UNC79: variants seen among roughly 807,000 people sequenced by gnomAD.
The protein encoded by UNC79 is protein unc-79 homolog.
Under a neutral mutation model 283.1 loss-of-function variants are expected in UNC79, and 37 were observed. The ratio of observed to expected loss-of-function variants is 0.13; its 90% CI spans 0.10 to 0.17. The LOEUF (loss-of-function observed/expected upper bound fraction) is 0.17. Ranked by LOEUF, UNC79 falls within the 10% of genes least tolerant of loss-of-function variation. The pLI is 1.00. For synonymous variants in UNC79, 1,107 were observed against 1,200.2 expected (o/e 0.92, Z 1.61); for missense variants, 2,272 against 3,211.1 (o/e 0.71, Z 7.07).
At chr14:93,382,420 C>T (rs2139991146) in intron 1 of UNC79, among the ~76,000 whole-genome samples, 1 of 152,260 alleles carries the variant, frequency 6.6e-6, no homozygotes, top group Middle Eastern at 3.4e-3. Flanking sequence ...CAAGATGTTA[C>T]CTTACATGGC....
At position 93,690,487 on chromosome 14, in the gene UNC79, C is replaced by A; in HGVS notation, c.7272+184C>A. 1 of 604,116 alleles carries A rather than the reference C, an allele frequency of 1.7e-6. No homozygotes were observed. Among genetic ancestry groups the A allele is most frequent in the Non-Finnish European group, 2.6e-6 (1 of 390,462 alleles). The allele number at this position is 604,116 out of a possible 1,614,324, so 37.4% of individuals were successfully genotyped here. A position where few individuals can be genotyped will look rare whatever the true frequency, so the allele number is the denominator to read the frequency against. On this transcript the variant is annotated intron_variant, in intron 45 of 48. Coordinates refer to ENST00000555664, the Ensembl canonical transcript of UNC79. The surrounding 1 kb of genome is among the most constrained non-coding windows in gnomAD (Gnocchi z 4.3). Reference sequence around the variant, plus strand: ...GTTTAGATTCCCAGACTGTCTTTCCCCCCGCCCCCAAATTGTTTTTCGGCT... The same window carrying A: ...GTTTAGATTCCCAGACTGTCTTTCCACCCGCCCCCAAATTGTTTTTCGGCT...
intron 29 of UNC79, among the ~76,000 whole-genome samples, chr14:93,618,570 A>T (rs77154873): frequency 0.023 from 3,545 of 152,338 alleles, 60 homozygotes; most frequent in Non-Finnish European, 0.036. Flanking sequence ...AGCCTGTATC[A>T]TAAGAAATAA....
At chr14:93,661,354 G>A (rs2071582528) in intron 39 of UNC79, among the ~76,000 whole-genome samples, 2 of 152,138 alleles carry the variant, frequency 1.3e-5, no homozygotes, top group African/African-American at 4.8e-5. Flanking sequence ...TAATCACAAG[G>A]TGGTGGGACT....
intron 1 of UNC79, among the ~76,000 whole-genome samples, chr14:93,401,098 A>C (rs1384073212): frequency 6.6e-6 from 1 of 152,238 alleles, no homozygotes; most frequent in African/African-American, 2.4e-5. Flanking sequence ...AGATATAGAC[A>C]TCTATTAAAC....
In UNC79 at chr14:93,630,787, A is replaced by G. The variant is rs914124941; in HGVS notation, c.5609-14A>G. 1.9e-6 allele frequency: 3 copies of G among 1,608,806 alleles called. No homozygotes were observed. Among genetic ancestry groups the G allele is most frequent in the African/African-American group, 2.7e-5 (2 of 74,828 alleles). ...ATCAGTGTCCTGAGTTTTAAATAAT[A>G]TTTCTGTTTGTAGATCCTTCTACTA... On this transcript the variant is annotated splice_polypyrimidine_tract_variant and intron_variant, in intron 30 of 48. Transcript: ENST00000555664.
At chr14:93,509,767 C>T (rs1012468422) in intron 7 of UNC79, among the ~76,000 whole-genome samples, 2 of 152,066 alleles carry the variant, frequency 1.3e-5, no homozygotes, top group African/African-American at 2.4e-5. Flanking sequence ...GTTGAGTACC[C>T]GCAGCTTTTC....
intron 14 of UNC79, among the ~76,000 whole-genome samples, chr14:93,569,394 G>A (rs1340203014): frequency 2.0e-5 from 3 of 152,086 alleles, no homozygotes; most frequent in East Asian, 1.9e-4. Flanking sequence ...CTGAAATCGC[G>A]CCATTGCACT....
intron 42 of UNC79, among the ~76,000 whole-genome samples, chr14:93,684,996 A>C (rs908179589): frequency 2.0e-5 from 3 of 152,180 alleles, no homozygotes; most frequent in Non-Finnish European, 4.4e-5. Context: ...TGCAAAGTAG[A>C]AAAAAAGGAG....
At chr14:93,430,323 G>A (rs2055827656), upstream of UNC79, 1 of 152,626 alleles carries the variant, frequency 6.6e-6, no homozygotes, top group Non-Finnish European at 1.5e-5. This position sits in a 1 kb window ranked among gnomAD's most constrained non-coding sequence, Gnocchi z 4.6. Context: ...ATCGCAGAGG[G>A]GAGGCGAGGG....
At chr14:93,577,773 C>G in intron 17 of UNC79, 69 bp from the exon 18 acceptor site, 1 of 1,514,684 alleles carries the variant, frequency 6.6e-7, no homozygotes, top group South Asian at 1.2e-5. Context: ...CATAGAGTCC[C>G]CGAATATTTT....
intron 1 of UNC79, among the ~76,000 whole-genome samples, chr14:93,406,767 A>T (rs888219818): frequency 1.3e-5 from 2 of 152,224 alleles, no homozygotes; most frequent in Non-Finnish European, 2.9e-5. Context: ...GGAGAAACTG[A>T]AACTCTGCAA....
intron 12 of UNC79, among the ~76,000 whole-genome samples, chr14:93,538,607 C>T (rs1004940135): frequency 6.6e-6 from 1 of 152,046 alleles, no homozygotes; most frequent in East Asian, 1.9e-4. Context: ...TGTGAATAGG[C>T]CTGGCTTGAC....
At chr14:93,487,583 C>A in intron 4 of UNC79, 80 bp from the exon 5 acceptor site, 2 of 1,108,532 alleles carry the variant, frequency 1.8e-6, no homozygotes, top group Non-Finnish European at 2.5e-6. Context: ...AAAGTTCCTT[C>A]TTATCTCTCA....
chr14:93,346,583 C>T (rs1012626459), intron 1 of UNC79, among the ~76,000 whole-genome samples: 2 of 152,220 alleles, frequency 1.3e-5, no homozygotes, highest in Non-Finnish European at 2.9e-5. Context: ...TTTTTTATAT[C>T]ATCAGCCGAC....
exon 27 of UNC79, chr14:93,612,929 A>C: frequency 6.2e-7 from 1 of 1,614,160 alleles, no homozygotes; most frequent in Non-Finnish European, 8.5e-7. Flanking sequence ...AGCAGCGCTG[A>C]GTCAGACATC....
intron 14 of UNC79, among the ~76,000 whole-genome samples, chr14:93,562,120 G>T (rs1020612613): frequency 1.3e-5 from 2 of 152,190 alleles, no homozygotes; most frequent in Non-Finnish European, 2.9e-5. Flanking sequence ...GATTAGGCTG[G>T]CTGTCCAATG....
At chr14:93,534,596 G>C (rs7151505) in intron 11 of UNC79, among the ~76,000 whole-genome samples, 1 of 151,832 alleles carries the variant, frequency 6.6e-6, no homozygotes, top group African/African-American at 2.4e-5. Flanking sequence ...ATTAGACATC[G>C]CCTTATAACT....
intron 14 of UNC79, among the ~76,000 whole-genome samples, chr14:93,555,248 T>G (rs945742201): frequency 6.6e-6 from 1 of 152,186 alleles, no homozygotes; most frequent in Non-Finnish European, 1.5e-5. Flanking sequence ...ATTTAAGCAT[T>G]TATTTTTCTT....
intron 27 of UNC79, among the ~76,000 whole-genome samples, chr14:93,616,256 A>G (rs2066715060): frequency 6.6e-6 from 1 of 152,036 alleles, no homozygotes; most frequent in Non-Finnish European, 1.5e-5. Flanking sequence ...AAACAAAGCC[A>G]TGCTGAATTT....
Sources: allele counts gnomAD v4.1 joint callset (sites outside exome capture counted in the v4.1 genomes callset), GRCh38; gene constraint gnomAD v4.1.1; non-coding constraint Gnocchi (gnomAD v3.1); transcripts MANE v1.5; gene names NCBI Gene and HGNC (gene_info 2026-07-23, HGNC 2026-07-21).